KCNJ10: variants seen among roughly 807,000 people sequenced by gnomAD.
The protein encoded by KCNJ10 is potassium inwardly rectifying channel subfamily J member 10, also known as ATP-sensitive inward rectifier potassium channel 10.
In KCNJ10, 9 loss-of-function variants were observed where a neutral mutation model predicts 22.2. That is an observed-to-expected ratio of 0.40 (90% CI 0.24 to 0.71). The LOEUF is 0.71. Ranked by LOEUF, KCNJ10 falls within the 30% of genes least tolerant of loss-of-function variation. The pLI, the probability that KCNJ10 is intolerant of heterozygous loss-of-function variation, is 0.35. For synonymous variants in KCNJ10, 184 were observed against 187.3 expected, an observed-to-expected ratio of 0.98 and a Z score of 0.15; for missense variants, 337 against 482.7, an observed-to-expected ratio of 0.70 and a Z score of 2.83.
chr1:160,055,524 T>C (rs779127160), intron 1 of KCNJ10, among the ~76,000 whole-genome samples: 5 of 152,220 alleles, frequency 3.3e-5, no homozygotes, highest in Non-Finnish European at 7.3e-5. Flanking sequence ...TAAGTAGCTC[T>C]GCCATTTCTA....
At chr1:160,068,181 A>G in intron 1 of KCNJ10, 1 of 152,122 alleles carries the variant, frequency 6.6e-6, no homozygotes, top group African/African-American at 2.4e-5. Context: ...GTTGGGGAAG[A>G]TGGATTTATT....
At chr1:160,061,728 G>A (rs1464123939) in intron 1 of KCNJ10, among the ~76,000 whole-genome samples, 4 of 141,096 alleles carry the variant, frequency 2.8e-5, no homozygotes, top group East Asian at 2.3e-4. Flanking sequence ...AGATGCCTGC[G>A]GCCGTGGAGG....
At chr1:160,060,236 G>A (rs139332447) in intron 1 of KCNJ10, among the ~76,000 whole-genome samples, 12 of 152,254 alleles carry the variant, frequency 7.9e-5, no homozygotes, top group African/African-American at 2.9e-4. Context: ...ACTAGATACA[G>A]AACTAGATTC....
intron 1 of KCNJ10, among the ~76,000 whole-genome samples, chr1:160,050,506 A>T (rs1648877063): frequency 6.6e-6 from 1 of 152,174 alleles, no homozygotes; most frequent in Non-Finnish European, 1.5e-5. Flanking sequence ...ATGGAGATGG[A>T]TCAGATGTAG....
chr1:160,046,754 C>G (rs917207770), intron 1 of KCNJ10, among the ~76,000 whole-genome samples: 26 of 152,188 alleles, frequency 1.7e-4, no homozygotes, highest in Admixed American at 1.0e-3. Context: ...CACTCCACCC[C>G]AAAGCTGGCC....
intron 1 of KCNJ10, among the ~76,000 whole-genome samples, chr1:160,062,939 G>A (rs925582395): frequency 6.6e-5 from 10 of 152,120 alleles, no homozygotes; most frequent in Non-Finnish European, 1.5e-4. Context: ...GGGGAAGCAG[G>A]GGTTAGGGAC....
intron 1 of KCNJ10, among the ~76,000 whole-genome samples, chr1:160,055,512 A>G (rs946641440): frequency 1.3e-5 from 2 of 152,206 alleles, no homozygotes; most frequent in Admixed American, 6.5e-5. Flanking sequence ...TTGATTAGCC[A>G]TTAAGTAGCT....
intron 1 of KCNJ10, among the ~76,000 whole-genome samples, chr1:160,049,663 C>CATT (rs1347193412): frequency 1.4e-5 from 1 of 72,404 alleles, no homozygotes; most frequent in Admixed American, 2.0e-4. Flanking sequence ...AAGGATCCAG[C>CATT]ATTTTATTTA....
chr1:160,044,283 G>C (rs1648685588), intron 1 of KCNJ10, among the ~76,000 whole-genome samples: 1 of 152,222 alleles, frequency 6.6e-6, no homozygotes, highest in African/African-American at 2.4e-5. Context: ...GGCTGCTTTG[G>C]AACAAAAAGG....
At chr1:160,052,376 G>T (rs1409428605) in intron 1 of KCNJ10, among the ~76,000 whole-genome samples, 4 of 152,206 alleles carry the variant, frequency 2.6e-5, no homozygotes, top group Non-Finnish European at 5.9e-5. Context: ...CCCAGATCCA[G>T]CTCTGTTCTT....
intron 1 of KCNJ10, among the ~76,000 whole-genome samples, chr1:160,049,681 A>ATATATATATATATATATATT (rs1648842322): frequency 1.3e-5 from 1 of 75,374 alleles, no homozygotes. Flanking sequence ...TTATTTATAT[A>ATATATATATATATATATATT]TATATATATA....
chr1:160,037,912 T>A lies in KCNJ10; in HGVS notation c.*3481A>T, dbSNP rs1648513592. ...GGAAGCCTCTCATGGAACTTCACCA[T>A]CCCCTAGAGCAGCTGGTAACCCCAC... On this transcript the variant is annotated 3_prime_UTR_variant, in exon 2 of 2. Coordinates refer to ENST00000644903, the MANE Select transcript of KCNJ10 (RefSeq NM_002241.5). 1 of 152,236 alleles carries A rather than the reference T, an allele frequency of 6.6e-6. No homozygotes were observed. Among genetic ancestry groups the A allele is most frequent in the Non-Finnish European group, 1.5e-5 (1 of 68,104 alleles). 9.4% of individuals were successfully genotyped at this position (152,236 alleles called of 1,614,324 possible).
intron 1 of KCNJ10, among the ~76,000 whole-genome samples, chr1:160,062,902 G>A (rs968250203): frequency 4.6e-5 from 7 of 152,116 alleles, no homozygotes; most frequent in African/African-American, 1.7e-4. Flanking sequence ...ACCTGCTCTG[G>A]TTCTGGAGGC....
At chr1:160,045,561 T>C (rs139157273) in intron 1 of KCNJ10, among the ~76,000 whole-genome samples, 1 of 152,214 alleles carries the variant, frequency 6.6e-6, no homozygotes, top group Non-Finnish European at 1.5e-5. Flanking sequence ...AATAATCCAA[T>C]ATGAGTTATT....
chr1:160,067,483 C>T (rs976431045), intron 1 of KCNJ10, among the ~76,000 whole-genome samples: 16 of 152,328 alleles, frequency 1.1e-4, no homozygotes, highest in African/African-American at 3.6e-4. Flanking sequence ...TCTCCCTTTC[C>T]TCTCCAATCT....
intron 1 of KCNJ10, among the ~76,000 whole-genome samples, chr1:160,049,676 TA>T (rs1458565434): frequency 0.075 from 1,357 of 18,096 alleles, 34 homozygotes; most frequent in African/African-American, 0.13. Flanking sequence ...TTTATTTATT[TA>T]TATATATATA....
At chr1:160,061,071 C>T (rs1292250369) in intron 1 of KCNJ10, among the ~76,000 whole-genome samples, 1 of 152,114 alleles carries the variant, frequency 6.6e-6, no homozygotes, top group Non-Finnish European at 1.5e-5. Context: ...CTCCTAGACC[C>T]GTTCTTCTCC....
At chr1:160,057,798 G>C (rs772228592) in intron 1 of KCNJ10, among the ~76,000 whole-genome samples, 1 of 152,152 alleles carries the variant, frequency 6.6e-6, no homozygotes, top group East Asian at 1.9e-4. Flanking sequence ...AGAGAAGGGC[G>C]GGGGAGGCTG....
At chr1:160,051,269 T>C (rs1648897421) in intron 1 of KCNJ10, among the ~76,000 whole-genome samples, 1 of 152,178 alleles carries the variant, frequency 6.6e-6, no homozygotes, top group African/African-American at 2.4e-5. Flanking sequence ...ATTTCTGTTT[T>C]TTGACTGTGG....
Sources: gnomAD v4.1 joint callset for allele counts (sites outside exome capture counted in the v4.1 genomes callset) on GRCh38, gnomAD v4.1.1 for gene constraint, MANE v1.5 for transcripts, NCBI Gene and HGNC (gene_info 2026-07-23, HGNC 2026-07-21) for gene names.